TMEM200C: variants seen among roughly 807,000 people sequenced by gnomAD.
The protein encoded by TMEM200C is transmembrane protein 200C, also known as transmembrane protein TTMA.
For missense variants in TMEM200C, 966 were observed against 699.9 expected (o/e 1.38, Z -4.29); for synonymous variants, 462 against 324.7 (o/e 1.42, Z -4.55).
At chr18:5,890,552 G>A (rs771733493) in exon 3 of TMEM200C, 12 of 1,442,416 alleles carry the variant, frequency 8.3e-6, no homozygotes, top group African/African-American at 1.4e-5. Flanking sequence ...GCGAGGGGGA[G>A]GCGGCCTTGG....
exon 3 of TMEM200C, chr18:5,887,704 C>T (rs749491170): frequency 1.3e-5 from 2 of 152,198 alleles, no homozygotes; most frequent in Non-Finnish European, 2.9e-5. Flanking sequence ...CAAGCTCCTA[C>T]AATAGTACTG....
chr18:5,884,170 T>C (rs952576773), exon 3 of TMEM200C: 25 of 152,186 alleles, frequency 1.6e-4, no homozygotes, highest in Admixed American at 1.4e-3. Context: ...ATCAGAGATA[T>C]ATAGTTTGTT....
At position 5,891,343 on chromosome 18, in the gene TMEM200C, G is replaced by T. The variant is rs867386702; in HGVS notation, c.721C>A (p.Pro241Thr). 13 of 1,330,338 alleles carry T rather than the reference G, an allele frequency of 9.8e-6. No individual in the cohort carries two copies. In the East Asian group the frequency reaches 3.8e-4, roughly 39 times the overall value. 82.4% of individuals were successfully genotyped at this position (1,330,338 alleles called of 1,614,324 possible). ...CCGTTGAGCGGTATGGCCCCGGGGG[G>T]CGCCGCGGCGGGGGCAGACGACGAC... The change falls in exon 3 of 3, where the codon CCC (proline) becomes ACC (threonine). Residue 241 changes from proline (P) to threonine (T), a missense_variant. Pro to Thr is a conservative substitution (Grantham distance 38, BLOSUM62 -1). Transcript: ENST00000581347. This position sits in a 1 kb window ranked among gnomAD's most constrained non-coding sequence, Gnocchi z 4.7.
At chr18:5,892,973 T>G (rs2095172713) in intron 2 of TMEM200C, among the ~76,000 whole-genome samples, 1 of 152,138 alleles carries the variant, frequency 6.6e-6, no homozygotes. Flanking sequence ...GGTAACTGCT[T>G]ATGTAACTGA....
Position 5,891,300 on chromosome 18 carries a change from T to C in TMEM200C, c.764A>G (p.Gln255Arg). ...GGGCTTCAGCTCCAGGCCCCGCGAC[T>C]GCACGTAGCTGAGGAAGCCGTTGAG... Residue 255 changes from glutamine (Q) to arginine (R), a missense_variant, in exon 3 of 3, where the codon CAG (glutamine) becomes CGG (arginine). By Grantham distance (43) the Gln-to-Arg change is conservative. Transcript: ENST00000581347. The surrounding 1 kb of genome is among the most constrained non-coding windows in gnomAD (Gnocchi z 4.7). 1 of 1,412,642 alleles carries C rather than the reference T, an allele frequency of 7.1e-7. No individual in the cohort carries two copies. Among genetic ancestry groups the C allele is most frequent in the Non-Finnish European group, 9.3e-7 (1 of 1,077,734 alleles). The allele number at this position is 1,412,642 out of a possible 1,614,324, so 87.5% of individuals were successfully genotyped here.
exon 3 of TMEM200C, chr18:5,886,795 CT>C (rs914864483): frequency 2.8e-4 from 43 of 151,964 alleles, no homozygotes; most frequent in African/African-American, 9.9e-4. Context: ...ATATAACCCC[CT>C]AAGTCACACT....
At chr18:5,885,197 A>G (rs2095164500) in exon 3 of TMEM200C, 1 of 151,800 alleles carries the variant, frequency 6.6e-6, no homozygotes, top group Admixed American at 6.6e-5. Context: ...TTTCGGCAGG[A>G]TGCTCTTTTT....
exon 3 of TMEM200C, chr18:5,883,006 A>C (rs953372860): frequency 2.6e-5 from 4 of 151,766 alleles, no homozygotes; most frequent in African/African-American, 9.7e-5. Context: ...TTACCATGAC[A>C]TATTAACCAC....
Position 5,891,788 on chromosome 18 carries a change from C to T in TMEM200C, c.276G>A (p.Ala92=), listed in dbSNP as rs896916902. ...TGGTTGGGACCCGGTGGCTGCTGCCCGCAGGCGGCAGCTGCTTACCCCCCT... is the reference window on the plus strand; with the variant it reads ...TGGTTGGGACCCGGTGGCTGCTGCCTGCAGGCGGCAGCTGCTTACCCCCCT... The change falls in exon 3 of 3, where the codon GCG becomes GCA. Residue 92 remains alanine, a synonymous_variant. Coordinates refer to ENST00000581347, the Ensembl canonical transcript of TMEM200C. The surrounding 1 kb of genome is among the most constrained non-coding windows in gnomAD (Gnocchi z 4.7). 3 of 1,604,906 alleles carry T rather than the reference C, an allele frequency of 1.9e-6. No homozygotes were observed. Among genetic ancestry groups the T allele is most frequent in the Admixed American group, 1.7e-5 (1 of 59,996 alleles).
chr18:5,892,103 G>C (rs1199157232), exon 3 of TMEM200C: 2 of 1,570,248 alleles, frequency 1.3e-6, no homozygotes, highest in Admixed American at 1.8e-5. Flanking sequence ...CTGGGATGGA[G>C]GCTTGCACAG....
exon 3 of TMEM200C, chr18:5,885,262 G>A (rs533519203): frequency 1.2e-4 from 18 of 151,838 alleles, no homozygotes; most frequent in Non-Finnish European, 2.1e-4. Flanking sequence ...GTCAGCCTTC[G>A]TGGGACTTGG....
In TMEM200C at chr18:5,891,512, G is replaced by A. The variant is rs775179313; in HGVS notation, c.552C>T (p.Asn184=). ...TGTCCCGGTTCTCGTGGAGGACCGC[G>A]TTTGCGCAGATGAAGAGGAAGATGC... Residue 184 remains asparagine, a synonymous_variant, in exon 3 of 3, where the codon AAC becomes AAT. Transcript: ENST00000581347. This position sits in a 1 kb window ranked among gnomAD's most constrained non-coding sequence, Gnocchi z 4.7. 2 of 1,611,598 alleles carry A rather than the reference G, an allele frequency of 1.2e-6. No individual in the cohort carries two copies. Among genetic ancestry groups the A allele is most frequent in the South Asian group, 1.1e-5 (1 of 90,480 alleles).
chr18:5,892,197 G>A, intron 2 of TMEM200C, 40 bp from the exon 2 acceptor site: 1 of 893,942 alleles, frequency 1.1e-6, no homozygotes, highest in Admixed American at 2.8e-5. Flanking sequence ...TGTCAGCTTG[G>A]CTGCAGTGAC....
chr18:5,891,221 C>A lies in TMEM200C; in HGVS notation c.843G>T (p.Lys281Asn). Residue 281 changes from lysine to asparagine, a missense_variant, in exon 3 of 3, where the codon AAG becomes AAT. Transcript: ENST00000581347. The surrounding 1 kb of genome is among the most constrained non-coding windows in gnomAD (Gnocchi z 4.7). ...CCGCGGGGTGAGGAGGCCACGAGCC[C>A]TTGGCCAGCATCGCCGCCGCTCCGA... 1.6e-6 allele frequency: 2 copies of A among 1,267,660 alleles called. No homozygotes were observed. Among genetic ancestry groups the A allele is most frequent in the South Asian group, 1.9e-5 (1 of 52,872 alleles). 78.5% of individuals were successfully genotyped at this position (1,267,660 alleles called of 1,614,324 possible). A position where few individuals can be genotyped will look rare whatever the true frequency, so the allele number is the denominator to read the frequency against.
chr18:5,891,635 G>A lies in TMEM200C; in HGVS notation c.429C>T (p.Ser143=), dbSNP rs2095171232. 1 of 1,605,908 alleles carries A rather than the reference G, an allele frequency of 6.2e-7. No individual in the cohort carries two copies. Among genetic ancestry groups the A allele is most frequent in the Non-Finnish European group, 8.5e-7 (1 of 1,172,782 alleles). The change falls in exon 3 of 3, where the codon TCC becomes TCT. Residue 143 remains serine, a synonymous_variant. Transcript: ENST00000581347. This position sits in a 1 kb window ranked among gnomAD's most constrained non-coding sequence, Gnocchi z 4.7. ...AGAAGCCCACGGACGTGGAGGAGGA[G>A]GACGGGGAGGCGGCTCGTGCTGGAG...
chr18:5,890,019 C>T lies in TMEM200C; in HGVS notation c.*179G>A, dbSNP rs541166487. ...ACTAGTTTGCTTAAAAAAAAAAATC[C>T]TTGGAGTTATCTACAGGAATCTTGT... On this transcript the variant is annotated 3_prime_UTR_variant, in exon 3 of 3. Transcript: ENST00000581347. The T allele has an allele frequency of 8.1e-6, 4 of 495,928 alleles. No individual in the cohort carries two copies. The Admixed American group carries it at 1.3e-4, about 16-fold the overall frequency. 30.7% of individuals were successfully genotyped at this position (495,928 alleles called of 1,614,324 possible).
intron 1 of TMEM200C, chr18:5,895,507 G>A (rs2095175215): frequency 1.3e-5 from 2 of 149,284 alleles, no homozygotes; most frequent in South Asian, 4.2e-4. Flanking sequence ...ATGACACAGG[G>A]AAATTGCGGC....
At chr18:5,893,784 A>T (rs900059261) in intron 2 of TMEM200C, among the ~76,000 whole-genome samples, 4 of 152,118 alleles carry the variant, frequency 2.6e-5, no homozygotes, top group Non-Finnish European at 4.4e-5. Flanking sequence ...CAATATTTGC[A>T]AATCAATATC....
chr18:5,882,585 T>G (rs1398820036), exon 3 of TMEM200C: 1 of 152,160 alleles, frequency 6.6e-6, no homozygotes, highest in Admixed American at 6.5e-5. Flanking sequence ...CAGTGGCACA[T>G]GTTTCCAGAA....
Sources: allele counts gnomAD v4.1 joint callset (sites outside exome capture counted in the v4.1 genomes callset), GRCh38; gene constraint gnomAD v4.1.1; non-coding constraint Gnocchi (gnomAD v3.1); transcripts MANE v1.5; gene names NCBI Gene and HGNC (gene_info 2026-07-23, HGNC 2026-07-21).